Variants in SNX6 observed in about 807,000 individuals in gnomAD.
SNX6 encodes sorting nexin-6.
Under a neutral mutation model 63.0 loss-of-function variants are expected in SNX6, and 34 were observed. The observed-to-expected ratio is 0.54, with a 90% CI of 0.41 to 0.72. The LOEUF is 0.72. Among genes scored for constraint, SNX6 ranks in the 30% least tolerant of loss-of-function variants. The pLI is 0.00. For missense variants in SNX6, 398 were observed against 471.4 expected, an observed-to-expected ratio of 0.84 and a Z score of 1.44; for synonymous variants, 170 against 164.2, an observed-to-expected ratio of 1.04 and a Z score of -0.27.
intron 10 of SNX6, among the ~76,000 whole-genome samples, chr14:34,578,069 G>A (rs1474331471): frequency 1.3e-5 from 2 of 151,186 alleles, no homozygotes; most frequent in Non-Finnish European, 1.5e-5. Flanking sequence ...GCTAGGAGTG[G>A]CAGCAATGCC....
chr14:34,601,653 G>T (rs1882819435), intron 6 of SNX6, among the ~76,000 whole-genome samples: 1 of 151,712 alleles, frequency 6.6e-6, no homozygotes, highest in African/African-American at 2.4e-5. Context: ...GGAGTGCAAT[G>T]GCACCATCTT....
chr14:34,593,404 CT>C (rs556910452), intron 7 of SNX6, among the ~76,000 whole-genome samples: 225 of 143,308 alleles, frequency 1.6e-3, no homozygotes, highest in South Asian at 2.6e-3. Context: ...GTGCTGTACT[CT>C]TTTTTTTTTT....
chr14:34,609,739 T>C lies in SNX6; in HGVS notation c.58A>G (p.Lys20Glu). Residue 20 changes from lysine (K) to glutamate (E), a missense_variant, in exon 3 of 14, where the codon AAA (lysine) becomes GAA (glutamate). Transcript: ENST00000362031. Reference sequence around the variant, plus strand: ...CTTTGAAGATCTACATTTATTGCTTTAAGCTAGAAAAAGAAAACCAGTATC... The same window carrying C: ...CTTTGAAGATCTACATTTATTGCTTCAAGCTAGAAAAAGAAAACCAGTATC... ...DFLSEEDRGL[K>E]AINVDLQSDA... 1 of 1,599,766 alleles carries C rather than the reference T, an allele frequency of 6.3e-7. No individual in the cohort carries two copies. Among genetic ancestry groups the C allele is most frequent in the Non-Finnish European group, 8.5e-7 (1 of 1,171,570 alleles).
chr14:34,570,955 C>T (rs1881424785), intron 11 of SNX6, among the ~76,000 whole-genome samples: 1 of 151,126 alleles, frequency 6.6e-6, no homozygotes, highest in Admixed American at 6.6e-5. Flanking sequence ...GATCTCCTGA[C>T]CTCGTGATCC....
intron 7 of SNX6, among the ~76,000 whole-genome samples, chr14:34,596,800 C>T (rs529584337): frequency 3.3e-5 from 5 of 151,986 alleles, no homozygotes; most frequent in African/African-American, 4.8e-5. Flanking sequence ...TCCCGAGTAG[C>T]TGGGATTACA....
At chr14:34,595,160 CCTCT>C (rs199988616) in intron 7 of SNX6, among the ~76,000 whole-genome samples, 3,686 of 151,726 alleles carry the variant, frequency 0.024, 159 homozygotes, top group African/African-American at 0.085. Flanking sequence ...GTAACAGTTC[CCTCT>C]CTCTCTTTCG....
chr14:34,580,678 G>A (rs79661809), intron 10 of SNX6, among the ~76,000 whole-genome samples: 1 of 141,752 alleles, frequency 7.1e-6, no homozygotes, highest in African/African-American at 2.7e-5. Flanking sequence ...TTTTTTTTTA[G>A]AGACAGGGTC....
At position 34,562,350 on chromosome 14, in the gene SNX6, C is replaced by T. The variant is rs538347802; in HGVS notation, c.*772G>A. ...TGTAAAGGGATTGGTGGACTTTGTT[C>T]GAGATGCCATTTCAAAAGAAATGAG... On this transcript the variant is annotated 3_prime_UTR_variant, in exon 14 of 14. Transcript: ENST00000362031. 2.4e-3 allele frequency: 361 copies of T among 152,370 alleles called. 11 individuals are homozygous for T. The highest frequency in any genetic ancestry group is 0.023 in the Admixed American group (358 of 15,288). 9.4% of individuals were successfully genotyped at this position (152,370 alleles called of 1,614,324 possible).
chr14:34,602,519 A>C (rs1882855788), intron 6 of SNX6, among the ~76,000 whole-genome samples: 1 of 147,040 alleles, frequency 6.8e-6, no homozygotes, highest in East Asian at 2.0e-4. Context: ...TGAACTTGGG[A>C]GGAGGAGGTC....
chr14:34,628,088 C>T (rs748802537), intron 2 of SNX6, among the ~76,000 whole-genome samples: 4 of 152,164 alleles, frequency 2.6e-5, no homozygotes, highest in Non-Finnish European at 4.4e-5. Flanking sequence ...CAGTGACTCA[C>T]GCCTATAATC....
intron 4 of SNX6, 47 bp from the exon 5 acceptor site, chr14:34,605,764 G>A: frequency 1.3e-6 from 2 of 1,580,900 alleles, no homozygotes; most frequent in Non-Finnish European, 1.7e-6. Context: ...TTCATTTCTT[G>A]AAGCATTGTA....
chr14:34,564,225 A>G (rs1473500330), intron 13 of SNX6, among the ~76,000 whole-genome samples: 1 of 150,252 alleles, frequency 6.7e-6, no homozygotes, highest in African/African-American at 2.5e-5. Context: ...ACGGGGTTAC[A>G]CTATGTTGGC....
At chr14:34,572,137 T>C (rs1881477078) in intron 11 of SNX6, among the ~76,000 whole-genome samples, 1 of 152,234 alleles carries the variant, frequency 6.6e-6, no homozygotes, top group South Asian at 2.1e-4. Flanking sequence ...TTGGTATGTA[T>C]CTTTGCCAGA....
intron 11 of SNX6, chr14:34,575,503 A>G (rs1881656708): frequency 5.5e-6 from 1 of 183,314 alleles, no homozygotes; most frequent in Non-Finnish European, 1.1e-5. Flanking sequence ...CCTGACCACA[A>G]ATTCATTTTT....
At chr14:34,591,556 T>C (rs972843717) in intron 8 of SNX6, among the ~76,000 whole-genome samples, 3 of 151,746 alleles carry the variant, frequency 2.0e-5, no homozygotes, top group African/African-American at 7.3e-5. Flanking sequence ...GACGAGATCG[T>C]ACCATTGCAC....
At chr14:34,606,653 T>C (rs140096070) in intron 4 of SNX6, among the ~76,000 whole-genome samples, 1,737 of 152,258 alleles carry the variant, frequency 0.011, 17 homozygotes, top group Non-Finnish European at 0.019. Flanking sequence ...GGTTTCTCCA[T>C]GTTGGTCAGG....
chr14:34,603,876 AC>A (rs1882917534), intron 5 of SNX6, among the ~76,000 whole-genome samples: 1 of 152,108 alleles, frequency 6.6e-6, no homozygotes, highest in African/African-American at 2.4e-5. Context: ...TAAAACCCAA[AC>A]CTCGGTGAGC....
At chr14:34,628,416 G>A (rs1883911457) in intron 2 of SNX6, among the ~76,000 whole-genome samples, 1 of 152,160 alleles carries the variant, frequency 6.6e-6, no homozygotes, top group South Asian at 2.1e-4. Context: ...CCAAGATAGC[G>A]CTACTGCACT....
intron 2 of SNX6, among the ~76,000 whole-genome samples, chr14:34,624,789 C>T (rs906564547): frequency 4.0e-5 from 6 of 151,492 alleles, no homozygotes; most frequent in African/African-American, 7.3e-5. Flanking sequence ...AGCAAGACTC[C>T]GTCTAGGAAA....
Sources: allele counts gnomAD v4.1 joint callset (sites outside exome capture counted in the v4.1 genomes callset), GRCh38; gene constraint gnomAD v4.1.1; transcripts MANE v1.5; gene names NCBI Gene and HGNC (gene_info 2026-07-23, HGNC 2026-07-21).